Variants in LMX1B observed in about 807,000 individuals in gnomAD.
LMX1B encodes LIM homeobox transcription factor 1-beta.
A neutral mutation model predicts 51.4 loss-of-function variants in LMX1B; 12 were observed. That is an observed-to-expected ratio of 0.23 (90% CI 0.15 to 0.38). The LOEUF is 0.38. LMX1B is among the 10% of genes least tolerant of loss of function. LMX1B has a pLI of 1.00. For synonymous variants in LMX1B, 237 were observed against 235.4 expected (o/e 1.01, Z -0.06); for missense variants, 445 against 571.1 (o/e 0.78, Z 2.25).
rs2030302559 is a variant in LMX1B, at chr9:126,695,717, G to A, written c.887-122G>A. On this transcript the variant is annotated intron_variant, in intron 6 of 7. Coordinates refer to ENST00000373474, the MANE Select transcript of LMX1B (RefSeq NM_001174147.2). The surrounding 1 kb of genome is among the most constrained non-coding windows in gnomAD (Gnocchi z 5.2). ...GGAAGGGGCTGGGGAGTCAGTGTCTGGACAGCTTCAGCCAGAGTGGGGTGC... is the reference window on the plus strand; with the variant it reads ...GGAAGGGGCTGGGGAGTCAGTGTCTAGACAGCTTCAGCCAGAGTGGGGTGC... 18 of 1,119,044 alleles carry A rather than the reference G, an allele frequency of 1.6e-5. No individual in the cohort carries two copies. Among genetic ancestry groups the A allele is most frequent in the Non-Finnish European group, 2.4e-5 (18 of 761,542 alleles). The allele number at this position is 1,119,044 out of a possible 1,614,324, so 69.3% of individuals were successfully genotyped here. A position where few individuals can be genotyped will look rare whatever the true frequency, so the allele number is the denominator to read the frequency against.
chr9:126,619,660 G>A (rs1480510732), intron 2 of LMX1B, among the ~76,000 whole-genome samples: 1 of 152,264 alleles, frequency 6.6e-6, no homozygotes, highest in African/African-American at 2.4e-5. Context: ...ATTTAACCCC[G>A]GCACCTTGGC....
intron 5 of LMX1B, 33 bp downstream of exon 5, chr9:126,693,634 G>C (rs757595313): frequency 6.2e-7 from 1 of 1,612,376 alleles, no homozygotes; most frequent in African/African-American, 1.3e-5. Flanking sequence ...CACTGGCCCC[G>C]GGTAGGGTGG....
At chr9:126,627,309 T>A (rs1835553418) in intron 2 of LMX1B, among the ~76,000 whole-genome samples, 1 of 152,150 alleles carries the variant, frequency 6.6e-6, no homozygotes, top group Admixed American at 6.5e-5. Context: ...AGAGGTGCCC[T>A]GCCCTGCCCT....
In LMX1B at chr9:126,626,120, GA is replaced by G. The variant is rs1239155177; in HGVS notation, c.326+10553del. The stretch of plus-strand genomic sequence containing the variant: ...GTGGAACCGGAGGGGGACTTCGGAG[GA>G]ATTTGTCTCTGATGTCCCGGCTCCC... On this transcript the variant is annotated intron_variant, in intron 2 of 7. Coordinates refer to ENST00000373474, the MANE Select transcript of LMX1B (RefSeq NM_001174147.2). This position sits in a 1 kb window ranked among gnomAD's most constrained non-coding sequence, Gnocchi z 4.3. Among the ~76,000 whole-genome samples the G allele has an allele frequency of 6.6e-6, 1 of 152,240 alleles. No individual in the cohort carries two copies. The highest frequency in any genetic ancestry group is 1.5e-5 in the Non-Finnish European group (1 of 68,042).
At chr9:126,646,770 C>T (rs577077836) in intron 2 of LMX1B, among the ~76,000 whole-genome samples, 1 of 152,352 alleles carries the variant, frequency 6.6e-6, no homozygotes, top group Non-Finnish European at 1.5e-5. Flanking sequence ...CCTGCCCTTT[C>T]ACTGAGACAC....
At chr9:126,643,471 C>G (rs920810369) in intron 2 of LMX1B, among the ~76,000 whole-genome samples, 7 of 152,158 alleles carry the variant, frequency 4.6e-5, no homozygotes, top group African/African-American at 1.7e-4. Flanking sequence ...CCTCCGTTGC[C>G]TCCTCTCTAA....
In LMX1B at chr9:126,615,460, G is replaced by C. The variant is rs999732757; in HGVS notation, c.217G>C (p.Glu73Gln). 8 of 1,609,746 alleles carry C rather than the reference G, an allele frequency of 5.0e-6. No homozygotes were observed. Among genetic ancestry groups the C allele is most frequent in the Non-Finnish European group, 5.9e-6 (7 of 1,178,152 alleles). Residue 73 changes from glutamate (E) to glutamine (Q), a missense_variant, in exon 2 of 8, where the codon GAG becomes CAG. By Grantham distance (29) the Glu-to-Gln change is conservative. This residue lies in a region of LMX1B where 273 missense variants were observed against 343.3 expected (regional missense o/e 0.80). Coordinates refer to ENST00000373474, the MANE Select transcript of LMX1B (RefSeq NM_001174147.2). This position sits in a 1 kb window ranked among gnomAD's most constrained non-coding sequence, Gnocchi z 6.0. ...CGACCGCTTCCTGATGCGAGTCAAC[G>C]AGTCGTCCTGGCACGAGGAGTGTTT... Reference protein sequence around the residue: ...ISDRFLMRVNESSWHEECLQC... With the variant: ...ISDRFLMRVNQSSWHEECLQC...
At chr9:126,643,241 A>G (rs1835839740) in intron 2 of LMX1B, among the ~76,000 whole-genome samples, 1 of 151,974 alleles carries the variant, frequency 6.6e-6, no homozygotes, top group Non-Finnish European at 1.5e-5. Flanking sequence ...GGAGCTGGGT[A>G]CTTTCCAGAC....
chr9:126,616,695 G>A (rs1004492382), intron 2 of LMX1B, among the ~76,000 whole-genome samples: 13 of 152,320 alleles, frequency 8.5e-5, no homozygotes, highest in Non-Finnish European at 1.3e-4. Flanking sequence ...GGCTGCCGGC[G>A]CCTCGTGGTG....
At chr9:126,661,437 T>C (rs1292519391) in intron 2 of LMX1B, among the ~76,000 whole-genome samples, 5 of 152,064 alleles carry the variant, frequency 3.3e-5, no homozygotes, top group Admixed American at 3.3e-4. Context: ...CTGGGTATGG[T>C]GGGTGGAGGG....
Position 126,672,875 on chromosome 9 carries a change from G to A in LMX1B, c.327-17961G>A, listed in dbSNP as rs140335761. Among the ~76,000 whole-genome samples, 28 of 152,348 alleles carry A rather than the reference G, an allele frequency of 1.8e-4. No homozygotes were observed. In the East Asian group the frequency reaches 4.3e-3, roughly 23 times the overall value. ...GTAAGCGGAAGCGTTGGCTTTTATCGCTTGCTGGCCCCAGTGATGCCAGAA... is the reference window on the plus strand; with the variant it reads ...GTAAGCGGAAGCGTTGGCTTTTATCACTTGCTGGCCCCAGTGATGCCAGAA... On this transcript the variant is annotated intron_variant, in intron 2 of 7. Transcript: ENST00000373474.
At chr9:126,668,830 C>T (rs1305525600) in intron 2 of LMX1B, among the ~76,000 whole-genome samples, 1 of 152,222 alleles carries the variant, frequency 6.6e-6, no homozygotes, top group East Asian at 1.9e-4. Flanking sequence ...AACCCCACAT[C>T]CCCCAGGCCC....
chr9:126,682,815 A>C (rs1836699489), intron 2 of LMX1B, among the ~76,000 whole-genome samples: 1 of 148,964 alleles, frequency 6.7e-6, no homozygotes, highest in African/African-American at 2.5e-5. Context: ...GAATCGCTTG[A>C]ACCCAGGAGG....
At position 126,614,084 on chromosome 9, in the gene LMX1B, AC is replaced by A. The variant is rs1336420366; in HGVS notation, c.-361del. ...CCCGCGGGGCCGCCCCTGCACCCCC[AC>A]CCCCTCCCCCGCCTGCCGCCGCCGC... On this transcript the variant is annotated 5_prime_UTR_variant, in exon 1 of 8. Coordinates refer to ENST00000373474, the MANE Select transcript of LMX1B (RefSeq NM_001174147.2). 6.6e-5 allele frequency among the ~76,000 whole-genome samples: 1 copy of A among 15,114 alleles called. No homozygotes were observed. The highest frequency in any genetic ancestry group is 1.3e-4 in the Non-Finnish European group (1 of 7,438). 9.9% of individuals were successfully genotyped at this position (15,114 alleles called of 152,430 possible).
chr9:126,653,257 A>G (rs931184315), intron 2 of LMX1B, among the ~76,000 whole-genome samples: 4 of 146,776 alleles, frequency 2.7e-5, no homozygotes, highest in Admixed American at 2.1e-4. Flanking sequence ...GGCTGAAGCA[A>G]TTCTCCTACC....
At chr9:126,614,778 G>A (rs948650749) in intron 1 of LMX1B, among the ~76,000 whole-genome samples, 190 bp downstream of exon 1, 8 of 152,140 alleles carry the variant, frequency 5.3e-5, no homozygotes, top group African/African-American at 1.9e-4. Context: ...GTCCTGAGGG[G>A]ACAGGACAGC....
At chr9:126,683,169 G>A (rs1245519818) in intron 2 of LMX1B, among the ~76,000 whole-genome samples, 1 of 150,994 alleles carries the variant, frequency 6.6e-6, no homozygotes, top group African/African-American at 2.4e-5. Context: ...GCCCCGACGC[G>A]GCGAGGAGGC....
rs534544616 is a variant in LMX1B at position 126,688,059 on chromosome 9, G to A, written c.327-2777G>A. ...GTGGAGAGATGCTTGGAGACCAAACGGATGGCGCATTCTGTTTATAAAGTG... is the reference window on the plus strand; with the variant it reads ...GTGGAGAGATGCTTGGAGACCAAACAGATGGCGCATTCTGTTTATAAAGTG... On this transcript the variant is annotated intron_variant, in intron 2 of 7. Coordinates refer to ENST00000373474, the MANE Select transcript of LMX1B (RefSeq NM_001174147.2). 1.5e-4 allele frequency among the ~76,000 whole-genome samples: 23 copies of A among 152,286 alleles called. No individual in the cohort carries two copies. In the Middle Eastern group the frequency reaches 0.01, roughly 68 times the overall value.
chr9:126,652,844 G>A (rs1054823434), intron 2 of LMX1B, among the ~76,000 whole-genome samples: 4 of 152,218 alleles, frequency 2.6e-5, no homozygotes, highest in Non-Finnish European at 5.9e-5. Context: ...GCACAGCAGG[G>A]ACAATGGGGA....
Sources: gnomAD v4.1 joint callset for allele counts (sites outside exome capture counted in the v4.1 genomes callset) on GRCh38, gnomAD v4.1.1 for gene constraint, gnomAD v4.1.1 regional missense constraint, Gnocchi (gnomAD v3.1) non-coding constraint, MANE v1.5 for transcripts, NCBI Gene and HGNC (gene_info 2026-07-23, HGNC 2026-07-21) for gene names.